Variants in ARHGAP10 observed in about 807,000 individuals in gnomAD.
ARHGAP10 encodes the protein rho GTPase-activating protein 10.
ARHGAP10 carries 87 observed loss-of-function variants against 108.6 expected under a neutral mutation model. The ratio of observed to expected loss-of-function variants is 0.80; its 90% CI spans 0.67 to 0.96. The LOEUF is 0.96. ARHGAP10 is among the 40% of genes least tolerant of loss of function. ARHGAP10 has a pLI of 0.00. For missense variants in ARHGAP10, 939 were observed against 954.5 expected, an observed-to-expected ratio of 0.98 and a Z score of 0.21; for synonymous variants, 347 against 341.1, an observed-to-expected ratio of 1.02 and a Z score of -0.19.
intron 1 of ARHGAP10, among the ~76,000 whole-genome samples, chr4:147,769,363 T>A (rs1388681168): frequency 1.3e-5 from 2 of 152,210 alleles, no homozygotes; most frequent in East Asian, 3.8e-4. Context: ...TGATCCCCTA[T>A]TTAGAGAATA....
intron 7 of ARHGAP10, among the ~76,000 whole-genome samples, chr4:147,869,282 T>C (rs1024719658): frequency 6.6e-6 from 1 of 152,138 alleles, no homozygotes; most frequent in African/African-American, 2.4e-5. Context: ...ATCAGTCTCT[T>C]GGGATGTTGA....
chr4:147,965,115 G>A lies in ARHGAP10; in HGVS notation c.1542G>A (p.Val514=). 1 of 1,602,090 alleles carries A rather than the reference G, an allele frequency of 6.2e-7. No individual in the cohort carries two copies. The highest frequency in any genetic ancestry group is 2.3e-5 in the East Asian group (1 of 44,244). ...EKNKEMLDIL[V]KHLTNVSNHS... ...ATAAAGAGATGTTGGATATTTTGGT[G>A]AAACACTTAACAAAGTAAGCCTCTT... Residue 514 remains valine, a synonymous_variant, in exon 17 of 23, where the codon GTG becomes GTA. Transcript: ENST00000336498.
rs527268053 is a variant in ARHGAP10, at chr4:148,066,547, C to T, written c.2272+2040C>T. 2.0e-4 allele frequency among the ~76,000 whole-genome samples: 30 copies of T among 152,330 alleles called. No homozygotes were observed. In the East Asian group the frequency reaches 2.9e-3, roughly 15 times the overall value. ...GGAGTCTTCCTAAAAAGAAAGTGTG[C>T]GTGTACACACGTACACATACATAGT... On this transcript the variant is annotated intron_variant, in intron 22 of 22. Coordinates refer to ENST00000336498, the MANE Select transcript of ARHGAP10 (RefSeq NM_024605.4).
intron 10 of ARHGAP10, 134 bp from the exon 11 acceptor site, chr4:147,906,504 A>G (rs1579184987): frequency 1.3e-6 from 1 of 750,410 alleles, no homozygotes; most frequent in Non-Finnish European, 2.2e-6. Context: ...AATCGTTAAG[A>G]TGATAAATTT....
At chr4:147,783,946 A>G (rs1034199488) in intron 1 of ARHGAP10, among the ~76,000 whole-genome samples, 2 of 133,604 alleles carry the variant, frequency 1.5e-5, no homozygotes, top group African/African-American at 5.7e-5. Flanking sequence ...TATAACACAC[A>G]TTAAATTGTG....
intron 4 of ARHGAP10, among the ~76,000 whole-genome samples, chr4:147,849,315 A>G (rs1733765308): frequency 6.6e-6 from 1 of 151,914 alleles, no homozygotes; most frequent in Non-Finnish European, 1.5e-5. Context: ...AGCCTATCCA[A>G]CTGATAATTC....
rs115722551 is a variant in ARHGAP10 at position 147,988,353 on chromosome 4, A to G, written c.1716+21514A>G. On this transcript the variant is annotated intron_variant, in intron 18 of 22. Transcript: ENST00000336498. ...TGAACTTCCACTAATTTCATTTACTAGATCATGTTTTCTGAGATCTTAGTC... is the reference window on the plus strand; with the variant it reads ...TGAACTTCCACTAATTTCATTTACTGGATCATGTTTTCTGAGATCTTAGTC... 3.4e-3 allele frequency among the ~76,000 whole-genome samples: 521 copies of G among 152,238 alleles called. 3 individuals are homozygous for G. The highest frequency in any genetic ancestry group is 0.012 in the African/African-American group (497 of 41,536).
chr4:147,825,601 C>T (rs1469395698), intron 3 of ARHGAP10, among the ~76,000 whole-genome samples: 1 of 152,162 alleles, frequency 6.6e-6, no homozygotes, highest in Non-Finnish European at 1.5e-5. Flanking sequence ...CTGGCACACA[C>T]TGACAGATAC....
At chr4:147,931,117 T>C (rs968122257) in intron 13 of ARHGAP10, among the ~76,000 whole-genome samples, 3 of 152,070 alleles carry the variant, frequency 2.0e-5, no homozygotes, top group Admixed American at 6.6e-5. Flanking sequence ...AAGATGTGGG[T>C]GATGTGAGTA....
intron 18 of ARHGAP10, among the ~76,000 whole-genome samples, chr4:148,022,087 G>A (rs539469135): frequency 3.3e-5 from 5 of 152,228 alleles, no homozygotes; most frequent in South Asian, 4.2e-4. Context: ...CACTTGTATC[G>A]AAGGTTGTGT....
intron 1 of ARHGAP10, among the ~76,000 whole-genome samples, chr4:147,807,393 G>A (rs1219388119): frequency 1.3e-5 from 2 of 151,816 alleles, no homozygotes; most frequent in African/African-American, 4.8e-5. Flanking sequence ...TTGTTCAAAA[G>A]GTGATACAAG....
At chr4:147,778,646 T>C (rs1408209961) in intron 1 of ARHGAP10, among the ~76,000 whole-genome samples, 1 of 152,220 alleles carries the variant, frequency 6.6e-6, no homozygotes, top group Non-Finnish European at 1.5e-5. Flanking sequence ...CTAATCAAAA[T>C]GTCCTATTCC....
chr4:147,757,622 G>A (rs1342278330), intron 1 of ARHGAP10, among the ~76,000 whole-genome samples: 5 of 152,140 alleles, frequency 3.3e-5, no homozygotes, highest in African/African-American at 9.7e-5. Flanking sequence ...ACTTCCATCC[G>A]TTCATAGCCT....
At chr4:147,741,800 A>ACG (rs139305144) in intron 1 of ARHGAP10, among the ~76,000 whole-genome samples, 97,825 of 138,908 alleles carry the variant, frequency 0.7, 36,816 homozygotes, top group Non-Finnish European at 0.83. Context: ...ACGCACACAC[A>ACG]CACACACACA....
intron 4 of ARHGAP10, among the ~76,000 whole-genome samples, chr4:147,851,748 A>C (rs1733884000): frequency 6.6e-6 from 1 of 152,250 alleles, no homozygotes; most frequent in African/African-American, 2.4e-5. Context: ...AACACTGGCC[A>C]GCCTTCAGGA....
chr4:147,981,107 C>A (rs1739791224), intron 18 of ARHGAP10, among the ~76,000 whole-genome samples: 1 of 151,972 alleles, frequency 6.6e-6, no homozygotes, highest in Non-Finnish European at 1.5e-5. Context: ...CTTTTGCTAA[C>A]TTTGGGTTTA....
intron 18 of ARHGAP10, among the ~76,000 whole-genome samples, chr4:148,014,188 C>G (rs1226732428): frequency 2.6e-5 from 4 of 152,144 alleles, no homozygotes; most frequent in South Asian, 4.1e-4. Context: ...GAAATGTAAA[C>G]TTTTTGTTTG....
intron 18 of ARHGAP10, among the ~76,000 whole-genome samples, chr4:148,017,682 A>ATATATATATATATATATATGTG (rs1437383455): frequency 2.2e-5 from 3 of 135,262 alleles, no homozygotes; most frequent in African/African-American, 5.8e-5. Context: ...ATATATATAT[A>ATATATATATATATATATATGTG]TGTGTGTGTA....
chr4:147,834,766 A>G (rs1022432583), intron 3 of ARHGAP10, among the ~76,000 whole-genome samples: 2 of 104,788 alleles, frequency 1.9e-5, no homozygotes, highest in African/African-American at 7.6e-5. Context: ...TCACACCCAT[A>G]CACACCCACC....
Sources: allele counts gnomAD v4.1 joint callset (sites outside exome capture counted in the v4.1 genomes callset), GRCh38; gene constraint gnomAD v4.1.1; transcripts MANE v1.5; gene names NCBI Gene and HGNC (gene_info 2026-07-23, HGNC 2026-07-21).